Variants in RALYL observed in about 807,000 individuals in gnomAD.
RALYL encodes the protein RNA-binding Raly-like protein.
Under a neutral mutation model 35.1 loss-of-function variants are expected in RALYL, and 29 were observed. The ratio of observed to expected loss-of-function variants is 0.83; its 90% CI spans 0.61 to 1.13. The LOEUF is 1.13. Ranked by LOEUF, RALYL falls within the 50% of genes most tolerant of loss-of-function variation. RALYL has a pLI of 0.00. For synonymous variants in RALYL, 120 were observed against 127.6 expected, an observed-to-expected ratio of 0.94 and a Z score of 0.40; for missense variants, 359 against 360.4, an observed-to-expected ratio of 1.00 and a Z score of 0.03.
At chr8:84,612,538 C>G (rs988514795) in intron 2 of RALYL, among the ~76,000 whole-genome samples, 3 of 151,924 alleles carry the variant, frequency 2.0e-5, no homozygotes, top group African/African-American at 7.3e-5. Context: ...ATAGATCCAG[C>G]CTGTTACTCT....
At chr8:84,515,361 G>A (rs571726737) in intron 1 of RALYL, among the ~76,000 whole-genome samples, 16 of 152,146 alleles carry the variant, frequency 1.1e-4, no homozygotes, top group East Asian at 3.9e-4. Context: ...ATGTTTTTGC[G>A]TGGAGGAATG....
chr8:84,843,416 T>A (rs1404988241), intron 4 of RALYL, among the ~76,000 whole-genome samples: 58 of 152,256 alleles, frequency 3.8e-4, no homozygotes, highest in Non-Finnish European at 4.1e-4. Context: ...ACAAGGGATA[T>A]GAAGGACCTC....
intron 2 of RALYL, among the ~76,000 whole-genome samples, chr8:84,738,574 G>T (rs1271120423): frequency 6.6e-6 from 1 of 151,876 alleles, no homozygotes; most frequent in East Asian, 1.9e-4. Context: ...GGGAAAATAA[G>T]TTGGAAAAGC....
chr8:84,427,148 A>G (rs550914871), intron 1 of RALYL, among the ~76,000 whole-genome samples: 4 of 152,348 alleles, frequency 2.6e-5, no homozygotes, highest in East Asian at 3.9e-4. Context: ...TTCACCCCAG[A>G]TATGCCCAAT....
intron 2 of RALYL, chr8:84,665,862 G>A (rs572570439): frequency 6.6e-6 from 1 of 152,018 alleles, no homozygotes; most frequent in South Asian, 2.1e-4. Context: ...GCTAAAGCAA[G>A]CACAAACACA....
At chr8:84,592,356 T>G (rs1191157150) in intron 2 of RALYL, among the ~76,000 whole-genome samples, 1 of 152,172 alleles carries the variant, frequency 6.6e-6, no homozygotes. Context: ...GCTCACTCTC[T>G]TCAGGAATAA....
chr8:84,812,263 T>A (rs1826075513), intron 4 of RALYL, among the ~76,000 whole-genome samples: 1 of 152,164 alleles, frequency 6.6e-6, no homozygotes, highest in South Asian at 2.1e-4. Flanking sequence ...CTGATTGTTG[T>A]CCCTCTTCTG....
intron 8 of RALYL, among the ~76,000 whole-genome samples, chr8:84,907,899 CTG>C (rs1164233137): frequency 2.0e-5 from 3 of 151,938 alleles, no homozygotes; most frequent in Non-Finnish European, 4.4e-5. Context: ...CCAAAAAACC[CTG>C]TGTTCCTGCT....
intron 1 of RALYL, among the ~76,000 whole-genome samples, chr8:84,202,441 T>C (rs1055881836): frequency 2.0e-5 from 3 of 150,500 alleles, no homozygotes; most frequent in African/African-American, 7.4e-5. Context: ...GGTGCAATCT[T>C]GGCTCACTGC....
At chr8:84,285,663 A>G (rs1280968404) in intron 1 of RALYL, among the ~76,000 whole-genome samples, 1 of 152,114 alleles carries the variant, frequency 6.6e-6, no homozygotes, top group East Asian at 1.9e-4. Flanking sequence ...TGGGAAGAAG[A>G]TACTTCGCTC....
intron 1 of RALYL, among the ~76,000 whole-genome samples, chr8:84,414,517 G>C (rs2044424475): frequency 6.6e-6 from 1 of 152,084 alleles, no homozygotes; most frequent in African/African-American, 2.4e-5. Context: ...AGATCATCCT[G>C]TTTTTGTGCC....
intron 4 of RALYL, among the ~76,000 whole-genome samples, chr8:84,842,230 T>C (rs1283964266): frequency 2.6e-5 from 4 of 151,672 alleles, no homozygotes; most frequent in African/African-American, 7.3e-5. Context: ...GCAAGACTAA[T>C]AAAGAAGAAA....
chr8:84,701,253 T>C (rs888922116), intron 2 of RALYL, among the ~76,000 whole-genome samples: 1 of 152,188 alleles, frequency 6.6e-6, no homozygotes, highest in East Asian at 1.9e-4. Context: ...CTGCTGGGAG[T>C]ACATGGTCCA....
intron 1 of RALYL, among the ~76,000 whole-genome samples, chr8:84,450,329 A>G (rs1270934303): frequency 6.6e-6 from 1 of 151,924 alleles, no homozygotes; most frequent in Non-Finnish European, 1.5e-5. Context: ...GAAGAATTAA[A>G]CTACTGGGAG....
chr8:84,194,977 C>T (rs1232681944), intron 1 of RALYL, among the ~76,000 whole-genome samples: 2 of 151,964 alleles, frequency 1.3e-5, no homozygotes, highest in Non-Finnish European at 2.9e-5. Flanking sequence ...TTGATTGGTA[C>T]AGCAATAGGT....
intron 8 of RALYL, among the ~76,000 whole-genome samples, chr8:84,919,022 A>C (rs1848911924): frequency 6.6e-6 from 1 of 152,072 alleles, no homozygotes. Flanking sequence ...CATCTTAACA[A>C]AATACATAGT....
chr8:84,334,159 T>TA (rs1299720248), intron 1 of RALYL, among the ~76,000 whole-genome samples: 1 of 152,094 alleles, frequency 6.6e-6, no homozygotes. Flanking sequence ...GCTGGGATTA[T>TA]AGGTGTGAGC....
At chr8:84,707,922 C>A (rs1384286592) in intron 2 of RALYL, among the ~76,000 whole-genome samples, 3 of 152,126 alleles carry the variant, frequency 2.0e-5, no homozygotes, top group South Asian at 4.2e-4. Context: ...TCAGTCATAT[C>A]TTTTATGCGT....
At chr8:84,425,409 C>T (rs539445221) in intron 1 of RALYL, among the ~76,000 whole-genome samples, 5 of 152,184 alleles carry the variant, frequency 3.3e-5, no homozygotes, top group African/African-American at 9.6e-5. Flanking sequence ...TGCTTCGGCT[C>T]GCGCACGGTG....
Sources: allele counts gnomAD v4.1 joint callset (sites outside exome capture counted in the v4.1 genomes callset), GRCh38; gene constraint gnomAD v4.1.1; transcripts MANE v1.5; gene names NCBI Gene and HGNC (gene_info 2026-07-23, HGNC 2026-07-21).